CASD1: variants seen among roughly 807,000 people sequenced by gnomAD.
The protein encoded by CASD1 is N-acetylneuraminate (7)9-O-acetyltransferase.
Under a neutral mutation model 100.0 loss-of-function variants are expected in CASD1, and 41 were observed. That is an observed-to-expected ratio of 0.41 (90% CI 0.32 to 0.53). The LOEUF (loss-of-function observed/expected upper bound fraction) is 0.53, where lower values mean the gene tolerates loss of function less well. Ranked by LOEUF, CASD1 falls within the 20% of genes least tolerant of loss-of-function variation. The pLI is 0.25. For missense variants in CASD1, 774 were observed against 948.7 expected, an observed-to-expected ratio of 0.82 and a Z score of 2.42; for synonymous variants, 321 against 315.6, an observed-to-expected ratio of 1.02 and a Z score of -0.18.
chr7:94,572,320 C>T, the CASD1 span, among the ~76,000 whole-genome samples: 10 of 152,122 alleles, frequency 6.6e-5, no homozygotes, highest in Non-Finnish European at 1.5e-5. Context: ...ATCTTTTCTT[C>T]TGTAATTTCA....
chr7:94,545,233 C>G (rs537910723), intron 11 of CASD1, among the ~76,000 whole-genome samples: 1 of 152,226 alleles, frequency 6.6e-6, no homozygotes, highest in African/African-American at 2.4e-5. Flanking sequence ...ATCTATGCTT[C>G]TACACTATAG....
At chr7:94,510,318 C>G (rs1219677524) in intron 1 of CASD1, 101 bp downstream of exon 1, 1 of 930,568 alleles carries the variant, frequency 1.1e-6, no homozygotes, top group Admixed American at 4.4e-5. Flanking sequence ...ACGCGGCCTT[C>G]CGCCGGCCCG....
chr7:94,578,872 G>A, the CASD1 span, among the ~76,000 whole-genome samples: 2 of 152,108 alleles, frequency 1.3e-5, no homozygotes, highest in African/African-American at 2.4e-5. Context: ...AGCATGAGTG[G>A]CACATGATTA....
the CASD1 span, chr7:94,623,397 T>C: frequency 1.8e-4 from 282 of 1,590,418 alleles, 1 homozygote; most frequent in Non-Finnish European, 2.4e-4. Context: ...TAGGCAGTTA[T>C]CTATTATAAA....
chr7:94,594,078 A>G, the CASD1 span, among the ~76,000 whole-genome samples: 1 of 152,182 alleles, frequency 6.6e-6, no homozygotes, highest in South Asian at 2.1e-4. Flanking sequence ...CGTTCCTTTG[A>G]TGACCTAAAA....
the CASD1 span, among the ~76,000 whole-genome samples, chr7:94,581,494 C>T: frequency 6.6e-6 from 1 of 152,096 alleles, no homozygotes; most frequent in Admixed American, 6.5e-5. Flanking sequence ...AGCCCAGCAC[C>T]TACTAGATAT....
the CASD1 span, chr7:94,586,721 T>TG: frequency 2.3e-6 from 1 of 434,756 alleles, no homozygotes; most frequent in African/African-American, 2.2e-5. Context: ...AGGCTGGTCT[T>TG]GAACTCCTGA....
At chr7:94,529,946 T>C (rs1052490715) in intron 5 of CASD1, among the ~76,000 whole-genome samples, 1 of 152,074 alleles carries the variant, frequency 6.6e-6, no homozygotes, top group African/African-American at 2.4e-5. Context: ...AAAAGCAAAT[T>C]TGAATTGAGA....
chr7:94,577,390 G>A, the CASD1 span, among the ~76,000 whole-genome samples: 2 of 152,294 alleles, frequency 1.3e-5, no homozygotes, highest in African/African-American at 2.4e-5. Context: ...TCTCTGCTTA[G>A]TTATCTTAGT....
At chr7:94,541,537 GTTTTTTTTTTTTTTTTT>G (rs56786123) in intron 10 of CASD1, among the ~76,000 whole-genome samples, 3 of 60,084 alleles carry the variant, frequency 5.0e-5, no homozygotes, top group South Asian at 1.1e-3. Flanking sequence ...TGTTCCACTG[GTTTTTTTTTTTTTTTTT>G]TTTTTTTTTT....
the CASD1 span, chr7:94,598,658 T>G: frequency 1.2e-6 from 1 of 806,382 alleles, no homozygotes; most frequent in South Asian, 1.4e-5. Flanking sequence ...TGTCCTTTTG[T>G]TATTTTCTCT....
At chr7:94,529,645 T>A (rs774639919) in intron 5 of CASD1, among the ~76,000 whole-genome samples, 1 of 152,144 alleles carries the variant, frequency 6.6e-6, no homozygotes, top group Admixed American at 6.5e-5. Flanking sequence ...AGCTTTGTGC[T>A]GAGTAATAGG....
chr7:94,578,656 C>T, the CASD1 span, among the ~76,000 whole-genome samples: 2 of 152,170 alleles, frequency 1.3e-5, no homozygotes, highest in East Asian at 3.8e-4. Flanking sequence ...TTCTGATTAG[C>T]CAGACCTGAG....
the CASD1 span, among the ~76,000 whole-genome samples, chr7:94,563,392 G>A: frequency 6.6e-6 from 1 of 152,020 alleles, no homozygotes; most frequent in Non-Finnish European, 1.5e-5. Flanking sequence ...ATTTTTTGGT[G>A]GTTTGGTCAA....
rs1796165895 is a variant in CASD1, at chr7:94,555,648, A to T, written c.2284A>T (p.Ile762Phe). ...TCAGATCACTAATGATCTTGCACAG[A>T]TTATTATTCCTAAAGATAACTCATC... ...ISQITNDLAQ[I>F]IIPKDNSSLL... Residue 762 changes from isoleucine to phenylalanine, a missense_variant, in exon 18 of 18, where the codon ATT becomes TTT. Coordinates refer to ENST00000297273, the MANE Select transcript of CASD1 (RefSeq NM_022900.5). 6.2e-7 allele frequency: 1 copy of T among 1,613,344 alleles called. No homozygotes were observed. Among genetic ancestry groups the T allele is most frequent in the Admixed American group, 1.7e-5 (1 of 59,934 alleles).
At chr7:94,628,692 C>A in the CASD1 span, 1 of 265,578 alleles carries the variant, frequency 3.8e-6, no homozygotes, top group Non-Finnish European at 7.3e-6. Context: ...CTAATGTACT[C>A]ATTCTTTTGC....
At chr7:94,598,582 A>C in the CASD1 span, 1 of 601,694 alleles carries the variant, frequency 1.7e-6, no homozygotes, top group South Asian at 1.9e-5. Flanking sequence ...GTGGGGGAAA[A>C]AAAGTGCATT....
chr7:94,535,278 A>G (rs756837505), intron 7 of CASD1, 31 bp from the exon 8 acceptor site: 1 of 1,518,562 alleles, frequency 6.6e-7, no homozygotes, highest in Non-Finnish European at 9.1e-7. Context: ...GATTTTTAAA[A>G]TGTGTTTTTA....
chr7:94,580,785 C>T, the CASD1 span, among the ~76,000 whole-genome samples: 3 of 152,326 alleles, frequency 2.0e-5, no homozygotes, highest in South Asian at 2.1e-4. Flanking sequence ...AATACTTCTT[C>T]GCATACCAGC....
Sources: gnomAD v4.1 joint callset for allele counts (sites outside exome capture counted in the v4.1 genomes callset) on GRCh38, gnomAD v4.1.1 for gene constraint, MANE v1.5 for transcripts, NCBI Gene and HGNC (gene_info 2026-07-23, HGNC 2026-07-21) for gene names.